The following VAV2 variants were observed in gnomAD, a reference collection of about 807,000 sequenced individuals.
VAV2 encodes the protein guanine nucleotide exchange factor VAV2.
A neutral mutation model predicts 132.5 loss-of-function variants in VAV2; 67 were observed. The ratio of observed to expected loss-of-function variants is 0.51; its 90% CI spans 0.42 to 0.62. The LOEUF (loss-of-function observed/expected upper bound fraction) is 0.62. VAV2 is among the 20% of genes least tolerant of loss of function. The pLI is 0.00. For synonymous variants in VAV2, 492 were observed against 443.5 expected (o/e 1.11, Z -1.37); for missense variants, 938 against 1,153.6 (o/e 0.81, Z 2.71).
At chr9:133,845,077 A>T (rs1469735831) in intron 3 of VAV2, among the ~76,000 whole-genome samples, 1 of 152,240 alleles carries the variant, frequency 6.6e-6, no homozygotes, top group Non-Finnish European at 1.5e-5. Flanking sequence ...GGCAGCACAC[A>T]AACGGCTTCC....
In VAV2 at chr9:133,840,302, G is replaced by A. The variant is rs1358636128; in HGVS notation, c.381-5962C>T. On this transcript the variant is annotated intron_variant, in intron 3 of 29. Coordinates refer to ENST00000371850, the MANE Select transcript of VAV2 (RefSeq NM_001134398.2). This position sits in a 1 kb window ranked among gnomAD's most constrained non-coding sequence, Gnocchi z 4.5. Reference sequence around the variant, plus strand: ...GAAGCAGATGTCCGCACAGGAAGCAGAGAAGCCCCAAGTGCTGAGTGCAGA... The same window carrying A: ...GAAGCAGATGTCCGCACAGGAAGCAAAGAAGCCCCAAGTGCTGAGTGCAGA... Among the ~76,000 whole-genome samples the A allele has an allele frequency of 6.6e-6, 1 of 152,182 alleles. No homozygotes were observed. Among genetic ancestry groups the A allele is most frequent in the East Asian group, 1.9e-4 (1 of 5,182 alleles).
At chr9:133,893,872 G>C (rs987379796) in intron 2 of VAV2, among the ~76,000 whole-genome samples, 1 of 152,184 alleles carries the variant, frequency 6.6e-6, no homozygotes, top group South Asian at 2.1e-4. Context: ...GGGCGCCCAC[G>C]TGTACCACAC....
At chr9:133,806,444 G>A (rs1245203905) in intron 8 of VAV2, among the ~76,000 whole-genome samples, 1 of 152,196 alleles carries the variant, frequency 6.6e-6, no homozygotes, top group East Asian at 1.9e-4. Flanking sequence ...CGCAGCGGCC[G>A]ACTCGGGGCG....
At chr9:133,859,281 C>G (rs1466187759) in intron 3 of VAV2, among the ~76,000 whole-genome samples, 2 of 152,362 alleles carry the variant, frequency 1.3e-5, no homozygotes, top group East Asian at 3.9e-4. Flanking sequence ...GCCCTCAGAG[C>G]TGCAGATGGG....
chr9:133,852,996 G>T (rs1364721347), intron 3 of VAV2, among the ~76,000 whole-genome samples: 1 of 152,134 alleles, frequency 6.6e-6, no homozygotes, highest in African/African-American at 2.4e-5. Context: ...CAGTCCTTAT[G>T]AAAACCCCAC....
At chr9:133,867,220 G>T (rs1178409067) in intron 2 of VAV2, among the ~76,000 whole-genome samples, 1 of 152,166 alleles carries the variant, frequency 6.6e-6, no homozygotes, top group Non-Finnish European at 1.5e-5. Context: ...AGCTGGGCAG[G>T]CCAAGGCCAG....
intron 13 of VAV2, among the ~76,000 whole-genome samples, chr9:133,791,404 A>G (rs1834454319): frequency 6.6e-6 from 1 of 152,112 alleles, no homozygotes; most frequent in African/African-American, 2.4e-5. Context: ...CCAGGGGTCC[A>G]CGAACCAGGG....
At chr9:133,860,771 A>G (rs950206510) in intron 3 of VAV2, among the ~76,000 whole-genome samples, 2 of 152,164 alleles carry the variant, frequency 1.3e-5, no homozygotes, top group African/African-American at 4.8e-5. Context: ...GTCAGAATCC[A>G]CAGTGACCAG....
chr9:133,962,120 A>G (rs1390732074), intron 1 of VAV2, among the ~76,000 whole-genome samples: 4 of 152,060 alleles, frequency 2.6e-5, no homozygotes, highest in Non-Finnish European at 5.9e-5. Flanking sequence ...AGGAGTTCCA[A>G]CCCCACCCTG....
rs564358952 is a variant in VAV2 at position 133,891,233 on chromosome 9, C to G, written c.322-29801G>C. Among the ~76,000 whole-genome samples, 286 of 145,524 alleles carry G rather than the reference C, an allele frequency of 2.0e-3. 1 individual carries two copies. The highest frequency in any genetic ancestry group is 3.7e-3 in the Non-Finnish European group (247 of 66,012). On this transcript the variant is annotated intron_variant, in intron 2 of 29. Transcript: ENST00000371850. Reference sequence around the variant, plus strand: ...CAGTCTCCAGCTCCAGCTTCTTCTCCCTCCCTCCCTCCCACTCTCAGCAGG... The same window carrying G: ...CAGTCTCCAGCTCCAGCTTCTTCTCGCTCCCTCCCTCCCACTCTCAGCAGG...
intron 2 of VAV2, among the ~76,000 whole-genome samples, chr9:133,896,383 G>T (rs1432981505): frequency 6.6e-6 from 1 of 152,184 alleles, no homozygotes; most frequent in Admixed American, 6.5e-5. Flanking sequence ...GAACCCGGGA[G>T]GCAGAGGTTG....
At chr9:133,764,601 G>C (rs1029282587) in intron 29 of VAV2, among the ~76,000 whole-genome samples, 1 of 152,118 alleles carries the variant, frequency 6.6e-6, no homozygotes, top group African/African-American at 2.4e-5. Context: ...AGAAATCCTA[G>C]AACTGAAACA....
At chr9:133,900,111 G>C in intron 2 of VAV2, among the ~76,000 whole-genome samples, 1 of 151,572 alleles carries the variant, frequency 6.6e-6, no homozygotes, top group South Asian at 2.1e-4. Flanking sequence ...AGGCAGGAAG[G>C]ATCACTGGAA....
intron 2 of VAV2, among the ~76,000 whole-genome samples, chr9:133,900,538 A>C (rs567392612): frequency 6.6e-6 from 1 of 152,208 alleles, no homozygotes; most frequent in Non-Finnish European, 1.5e-5. Flanking sequence ...ACTGTAGGTC[A>C]TAAGACCCAC....
intron 1 of VAV2, among the ~76,000 whole-genome samples, chr9:133,979,718 A>G (rs572720269): frequency 4.4e-4 from 67 of 152,230 alleles, no homozygotes; most frequent in Non-Finnish European, 5.4e-4. Context: ...CAGCCTGCTG[A>G]CTTTGCCAGG....
chr9:133,779,511 G>A (rs1357429602), intron 21 of VAV2, among the ~76,000 whole-genome samples: 1 of 152,270 alleles, frequency 6.6e-6, no homozygotes, highest in Non-Finnish European at 1.5e-5. Context: ...AGTTTGCAGA[G>A]AACACGATGC....
chr9:133,856,941 C>G (rs1837407289), intron 3 of VAV2, among the ~76,000 whole-genome samples: 1 of 152,226 alleles, frequency 6.6e-6, no homozygotes, highest in African/African-American at 2.4e-5. Context: ...AGCCGCGGGC[C>G]TTCCACAAGG....
intron 2 of VAV2, among the ~76,000 whole-genome samples, chr9:133,875,968 TTCACTCACTG>T (rs1838246841): frequency 6.6e-6 from 1 of 152,220 alleles, no homozygotes; most frequent in Admixed American, 6.5e-5. Flanking sequence ...GAAGGCCTTA[TTCACTCACTG>T]CCCAGCGGGC....
intron 1 of VAV2, among the ~76,000 whole-genome samples, chr9:133,962,799 C>A (rs1187303405): frequency 6.6e-6 from 1 of 152,212 alleles, no homozygotes; most frequent in Non-Finnish European, 1.5e-5. Context: ...CAGGTTTCAA[C>A]TTTCCCTTTT....
Sources: allele counts gnomAD v4.1 joint callset (sites outside exome capture counted in the v4.1 genomes callset), GRCh38; gene constraint gnomAD v4.1.1; non-coding constraint Gnocchi (gnomAD v3.1); transcripts MANE v1.5; gene names NCBI Gene and HGNC (gene_info 2026-07-23, HGNC 2026-07-21).